The following MAPK10 variants were observed in gnomAD, a reference collection of about 807,000 sequenced individuals.
MAPK10 encodes the protein JNK3 alpha protein kinase.
A neutral mutation model predicts 59.3 loss-of-function variants in MAPK10; 25 were observed. That is an observed-to-expected ratio of 0.42 (90% CI 0.31 to 0.59). The LOEUF is 0.59. Ranked by LOEUF, MAPK10 falls within the 20% of genes least tolerant of loss-of-function variation. The probability of loss-of-function intolerance (pLI) is 0.15; values close to 1 mark genes in which losing one functional copy is unlikely to be tolerated. For missense variants in MAPK10, 351 were observed against 568.9 expected (o/e 0.62, Z 3.90); for synonymous variants, 190 against 200.5 (o/e 0.95, Z 0.44).
In MAPK10 at chr4:86,208,595, T is replaced by G. The variant is rs557321700; in HGVS notation, c.-6-14188A>C. Among the ~76,000 whole-genome samples the G allele has an allele frequency of 3.3e-5, 5 of 151,982 alleles. No homozygotes were observed. In the South Asian group the frequency reaches 1.0e-3, roughly 32 times the overall value. On this transcript the variant is annotated intron_variant, in intron 2 of 13. Transcript: ENST00000641462. ...GATATTGATGGGACGTATCTCAAAA[T>G]AATAAGAGCTATCTATGACAAACCC...
chr4:86,292,610 T>C (rs559978733), intron 2 of MAPK10, among the ~76,000 whole-genome samples: 2 of 152,296 alleles, frequency 1.3e-5, no homozygotes, highest in African/African-American at 2.4e-5. Flanking sequence ...TAGTCCTAAC[T>C]ACTCAGAAGG....
chr4:86,195,120 A>G (rs1352288493), intron 2 of MAPK10, among the ~76,000 whole-genome samples: 1 of 152,212 alleles, frequency 6.6e-6, no homozygotes, highest in East Asian at 1.9e-4. Context: ...AAGTTTGCAC[A>G]GTTTTAAGAG....
At chr4:86,410,818 T>A (rs1427012188) in intron 1 of MAPK10, among the ~76,000 whole-genome samples, 3 of 151,690 alleles carry the variant, frequency 2.0e-5, no homozygotes, top group Non-Finnish European at 4.4e-5. Context: ...GTCTTGCTAG[T>A]GGTCCATTTT....
chr4:86,207,045 G>A (rs764053887), intron 2 of MAPK10, among the ~76,000 whole-genome samples: 7,010 of 151,532 alleles, frequency 0.046, 206 homozygotes, highest in African/African-American at 0.072. Context: ...AAGCTCTTTA[G>A]TTTAATTAGA....
At chr4:86,167,305 A>T (rs887021440) in intron 3 of MAPK10, among the ~76,000 whole-genome samples, 10 of 152,230 alleles carry the variant, frequency 6.6e-5, no homozygotes, top group African/African-American at 2.4e-4. Flanking sequence ...AGGATCTGGT[A>T]TCATTCCTTC....
intron 4 of MAPK10, chr4:86,119,754 T>A (rs1310423983): frequency 6.6e-6 from 1 of 152,166 alleles, no homozygotes; most frequent in African/African-American, 2.4e-5. Flanking sequence ...TAGCCCCCTT[T>A]GAGGATGACC....
intron 9 of MAPK10, among the ~76,000 whole-genome samples, chr4:86,086,976 A>G (rs1400488934): frequency 6.6e-6 from 1 of 152,138 alleles, no homozygotes; most frequent in African/African-American, 2.4e-5. Flanking sequence ...AAATTTACAA[A>G]TATGTCCCCA....
intron 3 of MAPK10, among the ~76,000 whole-genome samples, chr4:86,188,558 A>G (rs1406012623): frequency 6.6e-6 from 1 of 151,898 alleles, no homozygotes; most frequent in South Asian, 2.1e-4. Context: ...TTGAGAAGTG[A>G]CTGTTCATAT....
At chr4:86,057,233 GT>G (rs1403943080) in intron 11 of MAPK10, among the ~76,000 whole-genome samples, 1 of 149,802 alleles carries the variant, frequency 6.7e-6, no homozygotes, top group Non-Finnish European at 1.5e-5. Flanking sequence ...GTGAGCCACT[GT>G]GCCCAGCAGG....
intron 1 of MAPK10, among the ~76,000 whole-genome samples, chr4:86,374,091 G>A (rs113920417): frequency 0.013 from 2,048 of 152,200 alleles, 11 homozygotes; most frequent in Non-Finnish European, 0.015. Flanking sequence ...AAAAGGATGA[G>A]CTCATGTCCT....
At chr4:86,036,731 G>A (rs1445321504) in intron 11 of MAPK10, among the ~76,000 whole-genome samples, 1 of 152,102 alleles carries the variant, frequency 6.6e-6, no homozygotes, top group Non-Finnish European at 1.5e-5. Flanking sequence ...AGAAACATAA[G>A]CCAATAGGGT....
intron 9 of MAPK10, among the ~76,000 whole-genome samples, chr4:86,075,344 C>T (rs1233491082): frequency 1.3e-5 from 2 of 152,036 alleles, no homozygotes; most frequent in East Asian, 3.9e-4. Flanking sequence ...TTTGAATGTC[C>T]TCCCGTAGCT....
intron 2 of MAPK10, among the ~76,000 whole-genome samples, chr4:86,318,853 T>C (rs1204232386): frequency 6.6e-6 from 1 of 152,150 alleles, no homozygotes; most frequent in Non-Finnish European, 1.5e-5. Context: ...CATTACTAAT[T>C]GTGGGACCTG....
intron 2 of MAPK10, among the ~76,000 whole-genome samples, chr4:86,240,038 G>A (rs1184510230): frequency 2.6e-5 from 4 of 152,096 alleles, no homozygotes; most frequent in Non-Finnish European, 4.4e-5. Flanking sequence ...AGAGACTCTG[G>A]TATGTTGTCT....
At chr4:86,291,009 G>A (rs1045063729) in intron 2 of MAPK10, among the ~76,000 whole-genome samples, 11 of 152,100 alleles carry the variant, frequency 7.2e-5, no homozygotes, top group Non-Finnish European at 1.3e-4. Context: ...TCAGTCTGGT[G>A]GTGACTGAAA....
At chr4:86,572,468 C>A (rs1761532137) in intron 1 of MAPK10, among the ~76,000 whole-genome samples, 1 of 152,120 alleles carries the variant, frequency 6.6e-6, no homozygotes, top group African/African-American at 2.4e-5. Context: ...CTTGTAGGCA[C>A]CACTGGGTCC....
intron 1 of MAPK10, among the ~76,000 whole-genome samples, chr4:86,575,181 C>G (rs774168996): frequency 6.6e-6 from 1 of 152,182 alleles, no homozygotes; most frequent in Non-Finnish European, 1.5e-5. Flanking sequence ...GACTAAGATT[C>G]GCACTGATTC....
At chr4:86,509,351 A>T (rs923546354) in intron 1 of MAPK10, among the ~76,000 whole-genome samples, 3 of 152,066 alleles carry the variant, frequency 2.0e-5, no homozygotes, top group African/African-American at 7.2e-5. Flanking sequence ...ATACAAATTA[A>T]GGTCTCAGAT....
intron 13 of MAPK10, chr4:86,020,736 C>T (rs2148895814): frequency 6.5e-6 from 1 of 153,624 alleles, no homozygotes; most frequent in South Asian, 2.1e-4. Context: ...GGCAGCGAGT[C>T]TGGAGCTTTT....
Sources: allele counts gnomAD v4.1 joint callset (sites outside exome capture counted in the v4.1 genomes callset), GRCh38; gene constraint gnomAD v4.1.1; transcripts MANE v1.5; gene names NCBI Gene and HGNC (gene_info 2026-07-23, HGNC 2026-07-21).